Variants in MEF2A observed in about 807,000 individuals in gnomAD.
The protein encoded by MEF2A is myocyte-specific enhancer factor 2A.
In MEF2A, 28 loss-of-function variants were observed where a neutral mutation model predicts 55.8. That is an observed-to-expected ratio of 0.50 (90% CI 0.37 to 0.69). The LOEUF is 0.69. Ranked by LOEUF, MEF2A falls within the 30% of genes least tolerant of loss-of-function variation. The pLI, the probability that MEF2A is intolerant of heterozygous loss-of-function variation, is 0.00. For synonymous variants in MEF2A, 239 were observed against 227.1 expected (o/e 1.05, Z -0.47); for missense variants, 528 against 626.2 (o/e 0.84, Z 1.67).
At chr15:99,695,605 A>T (rs919280416) in intron 8 of MEF2A, among the ~76,000 whole-genome samples, 2 of 147,506 alleles carry the variant, frequency 1.4e-5, no homozygotes, top group Non-Finnish European at 3.0e-5. Context: ...CATGCCTGTA[A>T]TCCCAGCACT....
At chr15:99,683,925 C>CTTA (rs953826977) in intron 7 of MEF2A, among the ~76,000 whole-genome samples, 2 of 152,060 alleles carry the variant, frequency 1.3e-5, no homozygotes, top group Non-Finnish European at 2.9e-5. Context: ...ATCCTCATAG[C>CTTA]TTAGCTCCCA....
At chr15:99,583,925 C>T (rs1966636231) in intron 1 of MEF2A, among the ~76,000 whole-genome samples, 1 of 151,996 alleles carries the variant, frequency 6.6e-6, no homozygotes, top group African/African-American at 2.4e-5. Flanking sequence ...ATAGAGTGCA[C>T]AGTATTTACA....
chr15:99,691,430 G>T (rs1332653386), intron 8 of MEF2A, among the ~76,000 whole-genome samples: 1 of 152,130 alleles, frequency 6.6e-6, no homozygotes, highest in Admixed American at 6.5e-5. Flanking sequence ...GGGTACAGTG[G>T]CTCACACCTG....
At chr15:99,627,590 A>G (rs953430063) in intron 2 of MEF2A, among the ~76,000 whole-genome samples, 1 of 152,216 alleles carries the variant, frequency 6.6e-6, no homozygotes, top group African/African-American at 2.4e-5. Context: ...AAACTGGTAT[A>G]TGTGAAAAGT....
At chr15:99,681,189 TAGAA>T (rs1370140674) in intron 7 of MEF2A, among the ~76,000 whole-genome samples, 2 of 152,158 alleles carry the variant, frequency 1.3e-5, no homozygotes, top group Admixed American at 6.5e-5. Context: ...GTACTAGACA[TAGAA>T]AGGCTCAAGA....
At chr15:99,598,999 A>G (rs1235350126) in intron 2 of MEF2A, among the ~76,000 whole-genome samples, 1 of 152,126 alleles carries the variant, frequency 6.6e-6, no homozygotes, top group Non-Finnish European at 1.5e-5. Context: ...AAAAATGTGG[A>G]CATTTTTAAT....
At chr15:99,567,962 T>A (rs1336077863) in intron 1 of MEF2A, among the ~76,000 whole-genome samples, 1 of 152,224 alleles carries the variant, frequency 6.6e-6, no homozygotes, top group Admixed American at 6.5e-5. Context: ...TGAATGTTTG[T>A]AGACTCTAGA....
intron 1 of MEF2A, among the ~76,000 whole-genome samples, chr15:99,577,802 GC>G (rs1229888010): frequency 1.3e-5 from 2 of 152,032 alleles, no homozygotes; most frequent in African/African-American, 4.8e-5. Context: ...TGATCTTGAT[GC>G]TTTTTTGAAG....
At chr15:99,608,996 G>C (rs1178919070) in intron 2 of MEF2A, among the ~76,000 whole-genome samples, 4 of 152,192 alleles carry the variant, frequency 2.6e-5, no homozygotes, top group Non-Finnish European at 5.9e-5. Flanking sequence ...CTAACAAGTA[G>C]ATAGTTTAGA....
chr15:99,625,017 T>C (rs1158012044), intron 2 of MEF2A, among the ~76,000 whole-genome samples: 1 of 152,204 alleles, frequency 6.6e-6, no homozygotes, highest in East Asian at 1.9e-4. Context: ...AAAATAGCTT[T>C]GTATTAGATG....
intron 1 of MEF2A, among the ~76,000 whole-genome samples, chr15:99,583,542 TA>T (rs1966537040): frequency 6.6e-6 from 1 of 152,082 alleles, no homozygotes; most frequent in Non-Finnish European, 1.5e-5. Context: ...TTGAGGACTG[TA>T]AAAGTGATGG....
intron 4 of MEF2A, among the ~76,000 whole-genome samples, chr15:99,668,343 T>C (rs768147933): frequency 1.3e-5 from 2 of 152,238 alleles, no homozygotes; most frequent in Non-Finnish European, 2.9e-5. Flanking sequence ...TATAGCAGCC[T>C]GTAATGTATG....
chr15:99,644,817 C>A (rs1398605601), intron 3 of MEF2A, among the ~76,000 whole-genome samples: 1 of 152,116 alleles, frequency 6.6e-6, no homozygotes, highest in African/African-American at 2.4e-5. Context: ...AAGGGTAACT[C>A]TTGCTCACCC....
At chr15:99,640,993 G>C (rs2044804425) in intron 3 of MEF2A, among the ~76,000 whole-genome samples, 1 of 152,090 alleles carries the variant, frequency 6.6e-6, no homozygotes, top group South Asian at 2.1e-4. Flanking sequence ...CACCAGTCTA[G>C]TTGATGTTTA....
intron 3 of MEF2A, among the ~76,000 whole-genome samples, chr15:99,634,570 C>T (rs1011261823): frequency 2.0e-5 from 3 of 152,122 alleles, no homozygotes; most frequent in African/African-American, 4.8e-5. Flanking sequence ...ATAAAATTTT[C>T]GAGCCCTTAT....
At chr15:99,656,924 C>T (rs2047828384) in intron 4 of MEF2A, among the ~76,000 whole-genome samples, 1 of 151,950 alleles carries the variant, frequency 6.6e-6, no homozygotes, top group Non-Finnish European at 1.5e-5. Context: ...TTCATCAATC[C>T]GAAAAGAAAC....
intron 1 of MEF2A, among the ~76,000 whole-genome samples, chr15:99,578,733 C>T (rs1965078642): frequency 6.6e-6 from 1 of 151,788 alleles, no homozygotes; most frequent in South Asian, 2.1e-4. Flanking sequence ...TATGCATAAT[C>T]ATGCAATGAA....
At chr15:99,625,736 G>GT (rs1487304700) in intron 2 of MEF2A, among the ~76,000 whole-genome samples, 1 of 151,778 alleles carries the variant, frequency 6.6e-6, no homozygotes, top group Admixed American at 6.6e-5. Context: ...AGATGATCAT[G>GT]TTTTTTTTCC....
intron 1 of MEF2A, among the ~76,000 whole-genome samples, chr15:99,579,041 A>G (rs1228414443): frequency 6.6e-6 from 1 of 152,248 alleles, no homozygotes; most frequent in Non-Finnish European, 1.5e-5. Context: ...GATGGGGCTC[A>G]TAACACATGA....
Sources: gnomAD v4.1 joint callset for allele counts (sites outside exome capture counted in the v4.1 genomes callset) on GRCh38, gnomAD v4.1.1 for gene constraint, MANE v1.5 for transcripts, NCBI Gene and HGNC (gene_info 2026-07-23, HGNC 2026-07-21) for gene names.